The following FDFT1 variants were observed in gnomAD, a reference collection of about 807,000 sequenced individuals.
The protein encoded by FDFT1 is squalene synthase.
A neutral mutation model predicts 46.8 loss-of-function variants in FDFT1; 68 were observed. The observed-to-expected ratio is 1.45, with a 90% confidence interval of 1.19 to 1.78. The LOEUF (loss-of-function observed/expected upper bound fraction) is 1.78. FDFT1 is among the 40% of genes most tolerant of loss of function. The pLI is 0.00. For synonymous variants in FDFT1, 351 were observed against 185.1 expected (o/e 1.90, Z -7.28); for missense variants, 928 against 524.4 (o/e 1.77, Z -7.52).
At chr8:11,812,621 T>C (rs541801921) in intron 3 of FDFT1, among the ~76,000 whole-genome samples, 2 of 152,346 alleles carry the variant, frequency 1.3e-5, no homozygotes, top group African/African-American at 4.8e-5. Context: ...GAGGATACAA[T>C]ATATTTTACT....
Position 11,817,543 on chromosome 8 carries a change from G to C in FDFT1, c.382-4207G>C, listed in dbSNP as rs182495210. 1.3e-3 allele frequency among the ~76,000 whole-genome samples: 203 copies of C among 152,274 alleles called. 1 individual carries two copies. The highest frequency in any genetic ancestry group is 4.7e-3 in the African/African-American group (195 of 41,556). On this transcript the variant is annotated intron_variant, in intron 3 of 7. Transcript: ENST00000220584. ...TATTAATTATTGCCTCAATTTCAGA[G>C]CCTGCTATTGGTCATTTCAGAGGTT... is the stretch of plus-strand genomic sequence containing the variant.
rs541216196 is a variant in FDFT1, at chr8:11,809,237, C to T, written c.197+346C>T. 2.5e-5 allele frequency: 29 copies of T among 1,153,012 alleles called. No homozygotes were observed. In the South Asian group the frequency reaches 6.5e-4, roughly 26 times the overall value. 71.4% of individuals were successfully genotyped at this position (1,153,012 alleles called of 1,614,324 possible). On this transcript the variant is annotated intron_variant, in intron 2 of 7. Coordinates refer to ENST00000220584, the MANE Select transcript of FDFT1 (RefSeq NM_004462.5). ...CTATTTCTAGCATATTGGGTTGATT[C>T]TTTTGAAGCTGCCTCTGTGCACATT...
chr8:11,833,149 A>C (rs1021507525), intron 7 of FDFT1, among the ~76,000 whole-genome samples: 1 of 152,188 alleles, frequency 6.6e-6, no homozygotes, highest in Non-Finnish European at 1.5e-5. Flanking sequence ...CTAGATGAAA[A>C]TATTCAGCCA....
At chr8:11,814,309 T>TTC (rs1808144853) in intron 3 of FDFT1, among the ~76,000 whole-genome samples, 1 of 151,934 alleles carries the variant, frequency 6.6e-6, no homozygotes, top group African/African-American at 2.4e-5. Flanking sequence ...GGTTTTTTTT[T>TTC]TTTTTTTTGG....
At chr8:11,817,822 A>ATTTT (rs150361729) in intron 3 of FDFT1, among the ~76,000 whole-genome samples, 1 of 148,880 alleles carries the variant, frequency 6.7e-6, no homozygotes, top group Non-Finnish European at 1.5e-5. Flanking sequence ...GGATTCATTA[A>ATTTT]TTTTTTTTTT....
At chr8:11,835,408 TC>T (rs1811400814) in intron 7 of FDFT1, among the ~76,000 whole-genome samples, 2 of 152,202 alleles carry the variant, frequency 1.3e-5, no homozygotes, top group Non-Finnish European at 2.9e-5. Flanking sequence ...AGTTGTGCTG[TC>T]ATGCTTATAT....
chr8:11,829,438 A>G (rs1810467979), intron 5 of FDFT1, among the ~76,000 whole-genome samples: 2 of 152,242 alleles, frequency 1.3e-5, no homozygotes, highest in Admixed American at 6.5e-5. Flanking sequence ...TAATACACTT[A>G]GAGGATAGAC....
chr8:11,828,205 C>T (rs1442040348), intron 5 of FDFT1, among the ~76,000 whole-genome samples: 2 of 152,088 alleles, frequency 1.3e-5, no homozygotes, highest in South Asian at 4.1e-4. Flanking sequence ...GGAGGATTGC[C>T]TGAGCCCAGG....
At chr8:11,808,327 G>T (rs1459346463) in intron 1 of FDFT1, 11 of 1,233,744 alleles carry the variant, frequency 8.9e-6, no homozygotes, top group Non-Finnish European at 1.1e-5. Context: ...GGTGAGAAGG[G>T]CAACAGCGGG....
intron 4 of FDFT1, among the ~76,000 whole-genome samples, chr8:11,822,419 T>G (rs1250808900): frequency 1.3e-5 from 2 of 151,910 alleles, no homozygotes; most frequent in African/African-American, 4.8e-5. Context: ...GGCCTCTTAA[T>G]TTTTCAAACC....
At chr8:11,826,589 G>A (rs536204126) in intron 5 of FDFT1, among the ~76,000 whole-genome samples, 7 of 152,262 alleles carry the variant, frequency 4.6e-5, no homozygotes, top group African/African-American at 1.2e-4. Flanking sequence ...CAAGGTGGGC[G>A]GATCACCTGA....
chr8:11,808,764 C>G, intron 1 of FDFT1, 30 bp from the exon 2 acceptor site: 2 of 1,594,208 alleles, frequency 1.3e-6, no homozygotes, highest in Non-Finnish European at 1.7e-6. Flanking sequence ...CTCGACGTCT[C>G]CCACCGCCGT....
chr8:11,830,681 C>T (rs928501586), intron 6 of FDFT1, among the ~76,000 whole-genome samples: 1 of 152,136 alleles, frequency 6.6e-6, no homozygotes, highest in Non-Finnish European at 1.5e-5. Context: ...TAGTTAGGTT[C>T]TTTTCCTCAC....
rs141072848 is a variant in FDFT1, at chr8:11,825,189, C to G, written c.511-835C>G. 5.3e-5 allele frequency among the ~76,000 whole-genome samples: 8 copies of G among 152,224 alleles called. No individual in the cohort carries two copies. The South Asian group carries it at 6.2e-4, about 12-fold the overall frequency. On this transcript the variant is annotated intron_variant, in intron 4 of 7. Transcript: ENST00000220584. The stretch of plus-strand genomic sequence containing the variant: ...GTTGGTATTGTCCTAGTTCCTGTTA[C>G]CAGAATATTCCATCTTTCATCGTTG...
chr8:11,806,690 C>G (rs190702732), intron 1 of FDFT1, among the ~76,000 whole-genome samples: 58 of 152,244 alleles, frequency 3.8e-4, no homozygotes, highest in African/African-American at 1.3e-3. Flanking sequence ...CTGCTGTAGC[C>G]TGGTAATGGT....
At chr8:11,817,499 C>G (rs1222251506) in intron 3 of FDFT1, among the ~76,000 whole-genome samples, 2 of 152,148 alleles carry the variant, frequency 1.3e-5, no homozygotes, top group African/African-American at 4.8e-5. Context: ...TGTTCCTGGA[C>G]TTTCTTTGGT....
chr8:11,804,814 G>T (rs756768789), intron 1 of FDFT1, among the ~76,000 whole-genome samples: 1 of 151,600 alleles, frequency 6.6e-6, no homozygotes, highest in African/African-American at 2.4e-5. Flanking sequence ...TCACCATGTT[G>T]GTGAGGCTGG....
intron 7 of FDFT1, among the ~76,000 whole-genome samples, chr8:11,835,963 G>T (rs1190060294): frequency 1.9e-5 from 1 of 53,206 alleles, no homozygotes; most frequent in Non-Finnish European, 4.1e-5. Context: ...ATGAAACCCT[G>T]TCTCTACTAA....
intron 5 of FDFT1, 74 bp from the exon 6 acceptor site, chr8:11,830,170 G>A: frequency 1.7e-6 from 2 of 1,210,804 alleles, no homozygotes; most frequent in African/African-American, 1.5e-5. Context: ...TATGCACAAA[G>A]ACCCTTTAAT....
Sources: allele counts gnomAD v4.1 joint callset (sites outside exome capture counted in the v4.1 genomes callset), GRCh38; gene constraint gnomAD v4.1.1; transcripts MANE v1.5; gene names NCBI Gene and HGNC (gene_info 2026-07-23, HGNC 2026-07-21).